Variants in GRID1 observed in about 807,000 individuals in gnomAD.
The protein encoded by GRID1 is glutamate ionotropic receptor delta type subunit 1.
Under a neutral mutation model 98.0 loss-of-function variants are expected in GRID1, and 28 were observed. That is an observed-to-expected ratio of 0.29 (90% CI 0.21 to 0.39). The LOEUF is 0.39. GRID1 is among the 10% of genes least tolerant of loss of function. GRID1 has a pLI of 1.00. For synonymous variants in GRID1, 553 were observed against 538.5 expected, an observed-to-expected ratio of 1.03 and a Z score of -0.37; for missense variants, 1,111 against 1,340.5, an observed-to-expected ratio of 0.83 and a Z score of 2.67.
intron 8 of GRID1, among the ~76,000 whole-genome samples, chr10:85,839,625 G>C (rs1377946191): frequency 6.6e-6 from 1 of 152,136 alleles, no homozygotes; most frequent in Non-Finnish European, 1.5e-5. Flanking sequence ...CTAAGGCAGT[G>C]TTAACGTGAA....
At chr10:85,998,907 C>G (rs934065432) in intron 4 of GRID1, among the ~76,000 whole-genome samples, 11 of 152,092 alleles carry the variant, frequency 7.2e-5, no homozygotes, top group Middle Eastern at 3.2e-3. Flanking sequence ...CATAGAACAC[C>G]AACTCATTGA....
At chr10:86,296,053 T>C (rs1021908637) in intron 2 of GRID1, among the ~76,000 whole-genome samples, 1 of 152,186 alleles carries the variant, frequency 6.6e-6, no homozygotes, top group African/African-American at 2.4e-5. Context: ...AGTTTCCCCA[T>C]AGCACTGGCC....
chr10:85,794,819 T>G (rs182369313), intron 8 of GRID1, among the ~76,000 whole-genome samples: 4 of 152,270 alleles, frequency 2.6e-5, no homozygotes, highest in Admixed American at 2.6e-4. Flanking sequence ...GCCATGCCCT[T>G]GAGGTCAAAC....
intron 4 of GRID1, among the ~76,000 whole-genome samples, chr10:85,921,069 T>C (rs769005893): frequency 1.3e-5 from 2 of 152,158 alleles, no homozygotes; most frequent in African/African-American, 2.4e-5. Context: ...GAATTAAGGA[T>C]GTAAGAAGTT....
At chr10:86,172,293 T>C (rs941538348) in intron 3 of GRID1, among the ~76,000 whole-genome samples, 5 of 152,210 alleles carry the variant, frequency 3.3e-5, no homozygotes, top group African/African-American at 1.2e-4. Context: ...CTTGGCATAA[T>C]GTTTTCAAGG....
chr10:86,047,821 C>T (rs1296660031), intron 4 of GRID1, among the ~76,000 whole-genome samples: 2 of 152,172 alleles, frequency 1.3e-5, no homozygotes, highest in African/African-American at 4.8e-5. Flanking sequence ...CACAAAACCA[C>T]AAACTAGGGA....
chr10:86,099,420 C>T (rs1196622297), intron 4 of GRID1, among the ~76,000 whole-genome samples: 1 of 152,080 alleles, frequency 6.6e-6, no homozygotes, highest in Non-Finnish European at 1.5e-5. Context: ...ACGAACACAC[C>T]ACTACAAGAA....
At chr10:86,145,765 C>T (rs1294104168) in intron 3 of GRID1, among the ~76,000 whole-genome samples, 1 of 152,068 alleles carries the variant, frequency 6.6e-6, no homozygotes, top group East Asian at 1.9e-4. Context: ...CTAGGCCTTC[C>T]TCATTTGTGT....
At chr10:85,995,869 G>C (rs1334843711) in intron 4 of GRID1, among the ~76,000 whole-genome samples, 1 of 152,226 alleles carries the variant, frequency 6.6e-6, no homozygotes, top group East Asian at 1.9e-4. Flanking sequence ...AGCGGTTTAT[G>C]AAGTCCTGGG....
At chr10:85,654,261 T>A (rs1211075349) in intron 12 of GRID1, among the ~76,000 whole-genome samples, 3 of 152,184 alleles carry the variant, frequency 2.0e-5, no homozygotes, top group African/African-American at 7.2e-5. Context: ...CTATTGAAAT[T>A]AAAAGACACC....
At chr10:86,064,103 G>A (rs957839266) in intron 4 of GRID1, among the ~76,000 whole-genome samples, 15 of 152,006 alleles carry the variant, frequency 9.9e-5, no homozygotes, top group African/African-American at 3.4e-4. Flanking sequence ...ATATATTTAT[G>A]TTTTCTCTGC....
intron 12 of GRID1, chr10:85,709,111 G>T: frequency 5.9e-6 from 2 of 338,210 alleles, no homozygotes; most frequent in South Asian, 6.6e-5. Flanking sequence ...CCCTGACTTT[G>T]AGATGGTATA....
chr10:85,885,566 C>T (rs904721296), intron 5 of GRID1, among the ~76,000 whole-genome samples: 1 of 152,148 alleles, frequency 6.6e-6, no homozygotes, highest in Non-Finnish European at 1.5e-5. Flanking sequence ...GATGATAATA[C>T]CAATGGGATA....
chr10:85,930,282 CGGTT>C (rs1841832575), intron 4 of GRID1, among the ~76,000 whole-genome samples: 3 of 121,112 alleles, frequency 2.5e-5, no homozygotes, highest in Admixed American at 7.9e-5. Flanking sequence ...AAATAACTTG[CGGTT>C]ATTTATAACT....
At chr10:85,668,128 G>C (rs1259648358) in intron 12 of GRID1, among the ~76,000 whole-genome samples, 1 of 152,244 alleles carries the variant, frequency 6.6e-6, no homozygotes, top group Non-Finnish European at 1.5e-5. Context: ...TCCACAGCCT[G>C]TCAGACACAG....
intron 4 of GRID1, among the ~76,000 whole-genome samples, chr10:86,103,539 G>A (rs973149115): frequency 7.9e-5 from 12 of 152,234 alleles, no homozygotes; most frequent in African/African-American, 2.7e-4. Context: ...AGCCATGGGA[G>A]CTGGAGCCCA....
intron 4 of GRID1, among the ~76,000 whole-genome samples, chr10:86,052,797 C>T (rs767804264): frequency 9.2e-5 from 14 of 152,180 alleles, no homozygotes; most frequent in Admixed American, 6.5e-5. Context: ...CAATTATACA[C>T]CACAACATGT....
intron 2 of GRID1, among the ~76,000 whole-genome samples, chr10:86,344,370 G>C (rs1029942039): frequency 6.6e-6 from 1 of 152,240 alleles, no homozygotes; most frequent in Admixed American, 6.5e-5. Context: ...AGAGGCAGAA[G>C]AGGGACTCAG....
chr10:85,692,657 AC>A (rs1841346328), intron 12 of GRID1, among the ~76,000 whole-genome samples: 1 of 61,638 alleles, frequency 1.6e-5, no homozygotes, highest in Non-Finnish European at 3.1e-5. Context: ...ACAGAGTGAG[AC>A]CCTGTTAAAA....
Sources: gnomAD v4.1 joint callset for allele counts (sites outside exome capture counted in the v4.1 genomes callset) on GRCh38, gnomAD v4.1.1 for gene constraint, MANE v1.5 for transcripts, NCBI Gene and HGNC (gene_info 2026-07-23, HGNC 2026-07-21) for gene names.